CCDC178: variants seen among roughly 807,000 people sequenced by gnomAD.
The protein encoded by CCDC178 is coiled-coil domain-containing protein 178.
Under a neutral mutation model 117.4 loss-of-function variants are expected in CCDC178, and 126 were observed. The ratio of observed to expected loss-of-function variants is 1.07; its 90% CI spans 0.93 to 1.24. The LOEUF (loss-of-function observed/expected upper bound fraction) is 1.24. CCDC178 is among the 50% of genes most tolerant of loss of function. The pLI, the probability that CCDC178 is intolerant of heterozygous loss-of-function variation, is 0.00. For missense variants in CCDC178, 1,030 were observed against 986.9 expected (o/e 1.04, Z -0.59); for synonymous variants, 283 against 313.4 (o/e 0.90, Z 1.02).
chr18:33,420,488 G>A lies in CCDC178; in HGVS notation c.-22-8378C>T, dbSNP rs555450540. ...CATGCCTCAGCTTCCTGAGTAACTC[G>A]GATGACAGCCATGCACCCCAACACT... On this transcript the variant is annotated intron_variant, in intron 2 of 22. Coordinates refer to ENST00000383096, the MANE Select transcript of CCDC178 (RefSeq NM_001105528.4). 3.9e-5 allele frequency among the ~76,000 whole-genome samples: 6 copies of A among 152,138 alleles called. No homozygotes were observed. The South Asian group carries it at 8.3e-4, about 21-fold the overall frequency.
intron 21 of CCDC178, among the ~76,000 whole-genome samples, chr18:33,075,704 C>T (rs1420721324): frequency 6.6e-6 from 1 of 152,250 alleles, no homozygotes; most frequent in East Asian, 1.9e-4. Context: ...CGGTGTGGCT[C>T]ATGCCTGTAA....
At position 33,267,244 on chromosome 18, in the gene CCDC178, A is replaced by G. The variant is rs2059830420; in HGVS notation, c.1230T>C (p.His410=). The G allele has an allele frequency of 6.2e-7, 1 of 1,604,296 alleles. No homozygotes were observed. Among genetic ancestry groups the G allele is most frequent in the East Asian group, 2.2e-5 (1 of 44,604 alleles). ...YDQLTWKQKS[H]ENQYLEAVND... Reference sequence around the variant, plus strand: ...TAACTGCTTCCAGATACTGATTTTCATGACTTTTTTGCTTCCAGGTTAGTT... The same window carrying G: ...TAACTGCTTCCAGATACTGATTTTCGTGACTTTTTTGCTTCCAGGTTAGTT... The change falls in exon 13 of 23, where the codon CAT becomes CAC. Residue 410 remains histidine, a synonymous_variant. Coordinates refer to ENST00000383096, the MANE Select transcript of CCDC178 (RefSeq NM_001105528.4).
chr18:33,377,773 C>T (rs1012065317), intron 5 of CCDC178, among the ~76,000 whole-genome samples: 2 of 151,982 alleles, frequency 1.3e-5, no homozygotes, highest in Non-Finnish European at 2.9e-5. Context: ...TGAGGTTTTA[C>T]TTCTAGGTTC....
chr18:33,162,481 T>C (rs1007334017), intron 20 of CCDC178, among the ~76,000 whole-genome samples: 4 of 152,196 alleles, frequency 2.6e-5, no homozygotes, highest in Non-Finnish European at 5.9e-5. Context: ...AGGTTTGTTA[T>C]ACAGGTAAAC....
intron 20 of CCDC178, among the ~76,000 whole-genome samples, chr18:33,175,379 G>GT (rs780043637): frequency 2.0e-5 from 3 of 150,712 alleles, no homozygotes; most frequent in East Asian, 2.0e-4. Context: ...GTTTTGTGGG[G>GT]TTTTTTTTCT....
At chr18:33,283,935 G>A (rs80073886) in intron 12 of CCDC178, among the ~76,000 whole-genome samples, 11 of 152,278 alleles carry the variant, frequency 7.2e-5, no homozygotes, top group African/African-American at 2.4e-4. Flanking sequence ...AAATCATTCT[G>A]TTAAAATACA....
intron 20 of CCDC178, among the ~76,000 whole-genome samples, chr18:33,123,214 T>C (rs1349781464): frequency 6.6e-6 from 1 of 152,136 alleles, no homozygotes; most frequent in Non-Finnish European, 1.5e-5. Flanking sequence ...TATGGTTTTA[T>C]ATATAACCAA....
At chr18:33,126,683 C>T (rs1309415515) in intron 20 of CCDC178, among the ~76,000 whole-genome samples, 1 of 151,786 alleles carries the variant, frequency 6.6e-6, no homozygotes, top group Non-Finnish European at 1.5e-5. Flanking sequence ...GTTTTTGAGA[C>T]AGAGTCTCGC....
At chr18:33,199,703 G>A (rs1050146967) in intron 20 of CCDC178, among the ~76,000 whole-genome samples, 10 of 152,062 alleles carry the variant, frequency 6.6e-5, no homozygotes, top group Non-Finnish European at 1.3e-4. Context: ...CCAGGGCTGT[G>A]TCTTGATATT....
At chr18:33,254,299 C>G (rs184592926) in intron 14 of CCDC178, among the ~76,000 whole-genome samples, 9 of 136,386 alleles carry the variant, frequency 6.6e-5, no homozygotes, top group Non-Finnish European at 1.1e-4. Flanking sequence ...CACACACACA[C>G]AGATACATAT....
At position 33,328,889 on chromosome 18, in the gene CCDC178, G is replaced by A. The variant is rs150864108; in HGVS notation, c.879+4285C>T. ...GCATTGATTTCATAGATATTTTTAGGTGCTATTGACACTTTAACAATATTG... is the reference window on the plus strand; with the variant it reads ...GCATTGATTTCATAGATATTTTTAGATGCTATTGACACTTTAACAATATTG... On this transcript the variant is annotated intron_variant, in intron 10 of 22. Transcript: ENST00000383096. Among the ~76,000 whole-genome samples the A allele has an allele frequency of 4.2e-3, 645 of 152,100 alleles. 2 individuals carry two copies. Among genetic ancestry groups the A allele is most frequent in the African/African-American group, 0.015 (623 of 41,506 alleles).
intron 3 of CCDC178, among the ~76,000 whole-genome samples, chr18:33,410,017 A>G (rs2063829914): frequency 6.6e-6 from 1 of 152,202 alleles, no homozygotes; most frequent in Non-Finnish European, 1.5e-5. Context: ...ATGTAGTTTT[A>G]TCTGCTATGT....
intron 20 of CCDC178, among the ~76,000 whole-genome samples, chr18:33,178,556 C>G (rs1055981814): frequency 9.9e-5 from 15 of 152,190 alleles, no homozygotes; most frequent in African/African-American, 2.4e-4. Context: ...CTTCTCTTTC[C>G]TTTCAGGATA....
intron 20 of CCDC178, among the ~76,000 whole-genome samples, chr18:33,170,866 C>T (rs1395938123): frequency 6.6e-6 from 1 of 151,926 alleles, no homozygotes; most frequent in Non-Finnish European, 1.5e-5. Context: ...TTATTCTGGC[C>T]ATTCTTATAA....
At chr18:33,220,658 G>T (rs754411365) in intron 18 of CCDC178, among the ~76,000 whole-genome samples, 17 of 152,044 alleles carry the variant, frequency 1.1e-4, no homozygotes, top group South Asian at 2.1e-4. Flanking sequence ...TCAATGAAAT[G>T]ATCTGAGCCG....
At chr18:32,971,187 C>G (rs937751054) in intron 22 of CCDC178, among the ~76,000 whole-genome samples, 1 of 151,810 alleles carries the variant, frequency 6.6e-6, no homozygotes, top group Admixed American at 6.6e-5. Context: ...CCCCACCCCA[C>G]TACAGGCCCT....
At chr18:33,063,902 G>A (rs996555688) in intron 21 of CCDC178, among the ~76,000 whole-genome samples, 1 of 152,146 alleles carries the variant, frequency 6.6e-6, no homozygotes, top group South Asian at 2.1e-4. Flanking sequence ...AGCCATTGAG[G>A]AACTCACAGA....
intron 2 of CCDC178, among the ~76,000 whole-genome samples, chr18:33,421,792 G>C (rs183768826): frequency 2.0e-5 from 3 of 152,266 alleles, no homozygotes; most frequent in African/African-American, 7.2e-5. Flanking sequence ...TCTAGAAACA[G>C]GGATATGAGA....
At chr18:33,034,740 T>A (rs1351767228) in intron 21 of CCDC178, among the ~76,000 whole-genome samples, 1 of 152,010 alleles carries the variant, frequency 6.6e-6, no homozygotes, top group Non-Finnish European at 1.5e-5. Flanking sequence ...CCTGAAATTT[T>A]GAAAATTTTT....
Sources: gnomAD v4.1 joint callset for allele counts (sites outside exome capture counted in the v4.1 genomes callset) on GRCh38, gnomAD v4.1.1 for gene constraint, MANE v1.5 for transcripts, NCBI Gene and HGNC (gene_info 2026-07-23, HGNC 2026-07-21) for gene names.